The following FAM185A variants were observed in gnomAD, a reference collection of about 807,000 sequenced individuals.
FAM185A encodes the protein protein FAM185A.
In FAM185A, 21 loss-of-function variants were observed where a neutral mutation model predicts 45.7. That is an observed-to-expected ratio of 0.46 (90% confidence interval 0.33 to 0.66). The LOEUF (loss-of-function observed/expected upper bound fraction) is 0.66. Among genes scored for constraint, FAM185A ranks in the 30% least tolerant of loss-of-function variants. FAM185A has a pLI of 0.03. For synonymous variants in FAM185A, 117 were observed against 194.0 expected (o/e 0.60, Z 3.30); for missense variants, 305 against 485.4 (o/e 0.63, Z 3.49).
At chr7:102,846,959 T>C in the FAM185A span, among the ~76,000 whole-genome samples, 1 of 152,194 alleles carries the variant, frequency 6.6e-6, no homozygotes, top group Non-Finnish European at 1.5e-5. Context: ...GAATGGTGTT[T>C]ATATATTTTG....
At chr7:102,794,464 C>T (rs1796326417) in intron 7 of FAM185A, among the ~76,000 whole-genome samples, 1 of 152,166 alleles carries the variant, frequency 6.6e-6, no homozygotes, top group African/African-American at 2.4e-5. Flanking sequence ...TAAAATACTA[C>T]ATACTTACTA....
intron 2 of FAM185A, among the ~76,000 whole-genome samples, chr7:102,754,435 C>T (rs1247362093): frequency 1.3e-5 from 2 of 152,266 alleles, no homozygotes; most frequent in Admixed American, 6.5e-5. Flanking sequence ...CCCACCTTGG[C>T]CTCCCAAAGT....
chr7:102,843,073 T>C, the FAM185A span, among the ~76,000 whole-genome samples: 5 of 152,194 alleles, frequency 3.3e-5, no homozygotes, highest in East Asian at 9.6e-4. Context: ...GGGCAAATTT[T>C]TAAAATCGAA....
intron 7 of FAM185A, among the ~76,000 whole-genome samples, chr7:102,788,031 C>A (rs969075489): frequency 2.7e-4 from 41 of 152,118 alleles, no homozygotes; most frequent in Middle Eastern, 3.2e-3. Context: ...GTGGCGTGAT[C>A]TTGGCTCACT....
the FAM185A span, among the ~76,000 whole-genome samples, chr7:102,847,513 C>T: frequency 6.6e-6 from 1 of 152,040 alleles, no homozygotes; most frequent in Non-Finnish European, 1.5e-5. Context: ...TTCTTTAACA[C>T]TCAATTTTTT....
chr7:102,771,053 T>A (rs1794714423), intron 4 of FAM185A, among the ~76,000 whole-genome samples: 1 of 152,160 alleles, frequency 6.6e-6, no homozygotes, highest in African/African-American at 2.4e-5. Flanking sequence ...ATTATATCCT[T>A]TGCAGCAGCA....
chr7:102,762,543 G>C (rs1173061098), intron 4 of FAM185A, among the ~76,000 whole-genome samples: 1 of 152,218 alleles, frequency 6.6e-6, no homozygotes, highest in African/African-American at 2.4e-5. Context: ...CTATAGTAAA[G>C]CTGGATATTG....
chr7:102,826,968 G>A, the FAM185A span: 6 of 303,510 alleles, frequency 2.0e-5, no homozygotes, highest in South Asian at 1.3e-4. Flanking sequence ...ATTTATTTGT[G>A]AGAATGTAGC....
chr7:102,847,993 A>T, the FAM185A span, among the ~76,000 whole-genome samples: 6 of 152,338 alleles, frequency 3.9e-5, no homozygotes, highest in African/African-American at 1.2e-4. Flanking sequence ...AGGTGTATAC[A>T]TATATTTAAT....
At chr7:102,800,536 T>C (rs1421289328) in intron 7 of FAM185A, among the ~76,000 whole-genome samples, 1 of 152,000 alleles carries the variant, frequency 6.6e-6, no homozygotes, top group African/African-American at 2.4e-5. Flanking sequence ...ATGAAATAGA[T>C]AGCATAAATA....
chr7:102,805,048 G>A (rs535831530), intron 7 of FAM185A, among the ~76,000 whole-genome samples: 1 of 152,316 alleles, frequency 6.6e-6, no homozygotes, highest in South Asian at 2.1e-4. Flanking sequence ...TGGTGTGGAT[G>A]TGGTGATCAG....
the FAM185A span, chr7:102,822,104 C>A: frequency 6.2e-7 from 1 of 1,614,196 alleles, no homozygotes; most frequent in Non-Finnish European, 8.5e-7. Flanking sequence ...ATCTGAAGGT[C>A]CTCAAGGATT....
At chr7:102,790,885 G>A (rs1436347809) in intron 7 of FAM185A, among the ~76,000 whole-genome samples, 1 of 152,088 alleles carries the variant, frequency 6.6e-6, no homozygotes, top group South Asian at 2.1e-4. Context: ...AAATGTTTGA[G>A]TCAACACTGC....
rs9690473 is a variant in FAM185A, at chr7:102,755,596, C to A, written c.562-2258C>A. The stretch of plus-strand genomic sequence containing the variant: ...ACCTTTGTGGATAACAAGAAAGCTC[C>A]GCTGGTGGTGACTGCACACGACATG... On this transcript the variant is annotated intron_variant, in intron 2 of 7. Transcript: ENST00000413034. The A allele has an allele frequency of 6.4e-6, 4 of 626,612 alleles. No homozygotes were observed. The East Asian group carries it at 8.8e-5, about 14-fold the overall frequency. 38.8% of individuals were successfully genotyped at this position (626,612 alleles called of 1,614,324 possible). A position where few individuals can be genotyped will look rare whatever the true frequency, so the allele number is the denominator to read the frequency against.
downstream of FAM185A, among the ~76,000 whole-genome samples, chr7:102,812,762 A>G (rs116982023): frequency 9.9e-3 from 1,489 of 150,778 alleles, 11 homozygotes; most frequent in Non-Finnish European, 0.017. Flanking sequence ...ATAACTGTAG[A>G]TTTTATAATC....
rs1795878894 is a variant in FAM185A at position 102,787,475 on chromosome 7, G to C, written c.1066+6G>C. 7.5e-6 allele frequency: 11 copies of C among 1,463,668 alleles called. No individual in the cohort carries two copies. Among genetic ancestry groups the C allele is most frequent in the Non-Finnish European group, 1.0e-5 (11 of 1,092,954 alleles). The allele number at this position is 1,463,668 out of a possible 1,614,324, so 90.7% of individuals were successfully genotyped here. A position where few individuals can be genotyped will look rare whatever the true frequency, so the allele number is the denominator to read the frequency against. Reference sequence around the variant, plus strand: ...TGATGTTGTAACAGTGACTGGTAAGGAGGCTGCATTTTGCTCTGTCAGATG... The same window carrying C: ...TGATGTTGTAACAGTGACTGGTAAGCAGGCTGCATTTTGCTCTGTCAGATG... On this transcript the variant is annotated splice_donor_region_variant and intron_variant, in intron 7 of 7. Coordinates refer to ENST00000413034, the MANE Select transcript of FAM185A (RefSeq NM_001145268.2).
chr7:102,827,017 A>G, the FAM185A span: 1 of 383,976 alleles, frequency 2.6e-6, no homozygotes, highest in Non-Finnish European at 5.7e-6. Context: ...CTTTGCAGCT[A>G]CTGTCAGCAA....
At chr7:102,753,053 T>C (rs1204273267) in intron 2 of FAM185A, among the ~76,000 whole-genome samples, 2 of 152,156 alleles carry the variant, frequency 1.3e-5, no homozygotes, top group African/African-American at 2.4e-5. Flanking sequence ...TTCAAATAAA[T>C]TTTTGGCACA....
At chr7:102,835,570 G>C in the FAM185A span, among the ~76,000 whole-genome samples, 4 of 144,962 alleles carry the variant, frequency 2.8e-5, no homozygotes. Context: ...AATAATACAA[G>C]AATTTTTATG....
Sources: gnomAD v4.1 joint callset for allele counts (sites outside exome capture counted in the v4.1 genomes callset) on GRCh38, gnomAD v4.1.1 for gene constraint, MANE v1.5 for transcripts, NCBI Gene and HGNC (gene_info 2026-07-23, HGNC 2026-07-21) for gene names.